Variants in PTPN14 observed in about 807,000 individuals in gnomAD.
PTPN14 encodes the protein protein tyrosine phosphatase non-receptor type 14.
A neutral mutation model predicts 126.8 loss-of-function variants in PTPN14; 53 were observed. The observed-to-expected ratio is 0.42, with a 90% CI of 0.34 to 0.53. PTPN14 has a LOEUF of 0.53. Ranked by LOEUF, PTPN14 falls within the 20% of genes least tolerant of loss-of-function variation. PTPN14 has a pLI of 0.08. For synonymous variants in PTPN14, 630 were observed against 599.3 expected (o/e 1.05, Z -0.75); for missense variants, 1,257 against 1,552.9 (o/e 0.81, Z 3.20).
At chr1:214,481,511 CAAAA>C (rs371949252) in intron 1 of PTPN14, among the ~76,000 whole-genome samples, 9 of 67,456 alleles carry the variant, frequency 1.3e-4, no homozygotes, top group African/African-American at 2.7e-4. Context: ...AACTCCCGCT[CAAAA>C]AAAAAAAAAA....
intron 1 of PTPN14, among the ~76,000 whole-genome samples, chr1:214,481,392 T>C (rs1340123815): frequency 6.6e-6 from 1 of 150,380 alleles, no homozygotes; most frequent in Non-Finnish European, 1.5e-5. Context: ...GCGCCTGTAG[T>C]CCCAGCTACT....
At chr1:214,359,412 C>CG (rs1262095551) in intron 18 of PTPN14, among the ~76,000 whole-genome samples, 16 of 147,316 alleles carry the variant, frequency 1.1e-4, no homozygotes, top group African/African-American at 4.0e-4. Flanking sequence ...TTAGTAGAGA[C>CG]GGGGTTTCAG....
chr1:214,502,058 CAAAAA>C (rs60034306), intron 1 of PTPN14, among the ~76,000 whole-genome samples: 15 of 70,962 alleles, frequency 2.1e-4, no homozygotes, highest in African/African-American at 6.3e-4. Flanking sequence ...GGCTCTGTCT[CAAAAA>C]AAAAAAAAAA....
At chr1:214,549,920 C>T (rs984943451) in intron 1 of PTPN14, among the ~76,000 whole-genome samples, 2 of 152,162 alleles carry the variant, frequency 1.3e-5, no homozygotes, top group African/African-American at 2.4e-5. Flanking sequence ...CAACACTGCA[C>T]CAACATGGCC....
intron 1 of PTPN14, among the ~76,000 whole-genome samples, chr1:214,501,478 G>A (rs79708745): frequency 0.055 from 8,297 of 152,048 alleles, 601 homozygotes; most frequent in East Asian, 0.27. Flanking sequence ...CTGACCTCAA[G>A]TGATCCACCC....
intron 8 of PTPN14, among the ~76,000 whole-genome samples, chr1:214,395,560 C>T (rs4311855): frequency 0.82 from 123,061 of 150,120 alleles, 51,085 homozygotes; most frequent in African/African-American, 0.96. Context: ...AATTGACTCT[C>T]TAATGTGCCT....
Position 214,383,950 on chromosome 1 carries a change from G to A in PTPN14, c.1905C>T (p.Gly635=). The A allele has an allele frequency of 6.2e-7, 1 of 1,612,872 alleles. No individual in the cohort carries two copies. Among genetic ancestry groups the A allele is most frequent in the Non-Finnish European group, 8.5e-7 (1 of 1,180,014 alleles). Residue 635 remains glycine (G), a synonymous_variant, in exon 13 of 19, where the codon GGC becomes GGT. Coordinates refer to ENST00000366956, the MANE Select transcript of PTPN14 (RefSeq NM_005401.5). This position sits in a 1 kb window ranked among gnomAD's most constrained non-coding sequence, Gnocchi z 4.4. ...CCAGGCTGTGGCGCTTGTTCACAGTGCCGTGGTGCTTGGTGGCCGTGAGGG... is the reference window on the plus strand; with the variant it reads ...CCAGGCTGTGGCGCTTGTTCACAGTACCGTGGTGCTTGGTGGCCGTGAGGG... ...SEPLTATKHH[G]TVNKRHSLEV...
chr1:214,518,482 G>A (rs1655163743), intron 1 of PTPN14, among the ~76,000 whole-genome samples: 1 of 152,132 alleles, frequency 6.6e-6, no homozygotes, highest in African/African-American at 2.4e-5. Context: ...GTCTTGAATA[G>A]TATTATCCTC....
At chr1:214,465,951 C>CTTTTTTTTTTTCTTTTTT (rs1660625893) in intron 1 of PTPN14, among the ~76,000 whole-genome samples, 1 of 59,024 alleles carries the variant, frequency 1.7e-5, no homozygotes. Flanking sequence ...CAGTTACTTC[C>CTTTTTTTTTTTCTTTTTT]TTTTTTTTTT....
chr1:214,517,925 A>G (rs1004457278), intron 1 of PTPN14, among the ~76,000 whole-genome samples: 1 of 152,204 alleles, frequency 6.6e-6, no homozygotes, highest in Non-Finnish European at 1.5e-5. Flanking sequence ...AGCCTGGGTG[A>G]CAGAGAGAGA....
rs998427296 is a variant in PTPN14, at chr1:214,354,620, G to T, written c.*3302C>A. On this transcript the variant is annotated 3_prime_UTR_variant, in exon 19 of 19. Coordinates refer to ENST00000366956, the MANE Select transcript of PTPN14 (RefSeq NM_005401.5). ...TGAAGACATCAAATTCAGCCCCCAT[G>T]ATTCAGGGACCACAGTAAACAAGGA... The T allele has an allele frequency of 2.0e-5, 3 of 152,224 alleles. No homozygotes were observed. The highest frequency in any genetic ancestry group is 4.4e-5 in the Non-Finnish European group (3 of 68,048). The allele number at this position is 152,224 out of a possible 1,614,324, so 9.4% of individuals were successfully genotyped here.
At chr1:214,522,523 A>G (rs1375245342) in intron 1 of PTPN14, among the ~76,000 whole-genome samples, 1 of 152,228 alleles carries the variant, frequency 6.6e-6, no homozygotes, top group African/African-American at 2.4e-5. Context: ...GAACGTAACC[A>G]CTAAATATAT....
Position 214,350,312 on chromosome 1 carries a change from C to T in PTPN14, c.*7610G>A, listed in dbSNP as rs912224724. On this transcript the variant is annotated 3_prime_UTR_variant, in exon 19 of 19. Coordinates refer to ENST00000366956, the MANE Select transcript of PTPN14 (RefSeq NM_005401.5). ...AGAAGCTAGAAACAAATGGGTCTTC[C>T]TATACATCAGTCTGCCAAATGCAGC... 2 of 152,144 alleles carry T rather than the reference C, an allele frequency of 1.3e-5. No homozygotes were observed. The highest frequency in any genetic ancestry group is 2.4e-5 in the African/African-American group (1 of 41,422). The allele number at this position is 152,144 out of a possible 1,614,324, so 9.4% of individuals were successfully genotyped here.
chr1:214,396,467 G>T (rs1462706426), intron 8 of PTPN14, among the ~76,000 whole-genome samples: 1 of 152,138 alleles, frequency 6.6e-6, no homozygotes, highest in East Asian at 1.9e-4. Flanking sequence ...ATGCTCCTTA[G>T]TGAAGGTCTC....
intron 3 of PTPN14, 72 bp from the exon 4 acceptor site, chr1:214,414,798 C>T: frequency 1.6e-6 from 2 of 1,213,584 alleles, no homozygotes; most frequent in Admixed American, 1.7e-5. Context: ...AACACAGATG[C>T]CTCTAGATGT....
intron 1 of PTPN14, among the ~76,000 whole-genome samples, chr1:214,496,940 A>G (rs1433354765): frequency 7.8e-6 from 1 of 128,252 alleles, no homozygotes; most frequent in Non-Finnish European, 1.5e-5. Flanking sequence ...AAAGTGCTAG[A>G]AAAAAAACAT....
chr1:214,421,562 T>C lies in PTPN14; in HGVS notation c.345-6836A>G, dbSNP rs11120318. ...GGGTGAGGAGAAAAAAAAAATTTAA[T>C]GGTGAATTTACATTATGTGGATTTT... On this transcript the variant is annotated intron_variant, in intron 3 of 18. Coordinates refer to ENST00000366956, the MANE Select transcript of PTPN14 (RefSeq NM_005401.5). Among the ~76,000 whole-genome samples, 54 of 152,260 alleles carry C rather than the reference T, an allele frequency of 3.5e-4. 1 individual carries two copies. In the East Asian group the frequency reaches 7.1e-3, roughly 20 times the overall value.
chr1:214,469,745 T>C (rs1012576289), intron 1 of PTPN14, among the ~76,000 whole-genome samples: 3 of 148,852 alleles, frequency 2.0e-5, no homozygotes, highest in Non-Finnish European at 4.4e-5. Context: ...GTGCTAGAGA[T>C]GGGTCAATTT....
At chr1:214,477,723 C>G (rs56828526) in intron 1 of PTPN14, among the ~76,000 whole-genome samples, 151 of 152,254 alleles carry the variant, frequency 9.9e-4, no homozygotes, top group African/African-American at 3.5e-3. Flanking sequence ...AGGGTGTAAG[C>G]ACACTAAGGA....
Sources: gnomAD v4.1 joint callset for allele counts (sites outside exome capture counted in the v4.1 genomes callset) on GRCh38, gnomAD v4.1.1 for gene constraint, Gnocchi (gnomAD v3.1) non-coding constraint, MANE v1.5 for transcripts, NCBI Gene and HGNC (gene_info 2026-07-23, HGNC 2026-07-21) for gene names.